The following PLEKHM3 variants were observed in gnomAD, a reference collection of about 807,000 sequenced individuals.
The protein encoded by PLEKHM3 is pleckstrin homology domain containing M3, also known as pleckstrin homology domain-containing family M member 3.
In PLEKHM3, 45 loss-of-function variants were observed where a neutral mutation model predicts 81.8. That is an observed-to-expected ratio of 0.55 (90% CI 0.43 to 0.71). The LOEUF is 0.71. Among genes scored for constraint, PLEKHM3 ranks in the 30% least tolerant of loss-of-function variants. The pLI, the probability that PLEKHM3 is intolerant of heterozygous loss-of-function variation, is 0.00. For synonymous variants in PLEKHM3, 352 were observed against 356.4 expected (o/e 0.99, Z 0.14); for missense variants, 788 against 924.3 (o/e 0.85, Z 1.91).
intron 4 of PLEKHM3, among the ~76,000 whole-genome samples, chr2:207,940,362 CTA>C (rs1484904480): frequency 4.6e-5 from 7 of 152,200 alleles, no homozygotes; most frequent in Non-Finnish European, 1.5e-5. Context: ...TTGGTACACA[CTA>C]TGTGCTAGGC....
At chr2:207,904,312 G>A (rs1688536096) in intron 6 of PLEKHM3, among the ~76,000 whole-genome samples, 1 of 152,156 alleles carries the variant, frequency 6.6e-6, no homozygotes, top group Non-Finnish European at 1.5e-5. Context: ...CACAAGAAAT[G>A]AGTAAAGGAA....
chr2:207,878,820 G>T (rs995900311), intron 6 of PLEKHM3, among the ~76,000 whole-genome samples: 5 of 151,700 alleles, frequency 3.3e-5, no homozygotes, highest in East Asian at 1.9e-4. Context: ...CTAGAGCTGG[G>T]TTTTTTTTAT....
chr2:207,863,961 T>TTATA (rs767326628), intron 6 of PLEKHM3, among the ~76,000 whole-genome samples: 2 of 149,238 alleles, frequency 1.3e-5, no homozygotes, highest in Non-Finnish European at 1.5e-5. Context: ...TATACAAAGT[T>TTATA]TATATATATA....
rs1184247327 is a variant in PLEKHM3 at position 208,001,182 on chromosome 2, T to C, written c.458A>G (p.Asp153Gly). 9 of 1,614,128 alleles carry C rather than the reference T, an allele frequency of 5.6e-6. No homozygotes were observed. The highest frequency in any genetic ancestry group is 7.6e-6 in the Non-Finnish European group (9 of 1,180,014). Residue 153 changes from aspartate to glycine, a missense_variant, in exon 2 of 8, where the codon GAT (aspartate) becomes GGT (glycine). Transcript: ENST00000427836. ...FKPGHARSRS[D>G]ITQVDWRVVL... ...TACCCTCCAGTCCACTTGGGTAATATCTGATCGTGATCGAGCATGCCCTGG... is the reference window on the plus strand; with the variant it reads ...TACCCTCCAGTCCACTTGGGTAATACCTGATCGTGATCGAGCATGCCCTGG...
intron 5 of PLEKHM3, among the ~76,000 whole-genome samples, chr2:207,926,474 G>A (rs534719607): frequency 6.6e-6 from 1 of 152,202 alleles, no homozygotes; most frequent in East Asian, 1.9e-4. Flanking sequence ...AGTTCTTAAC[G>A]TCCCTCCCAG....
chr2:207,936,263 C>A (rs78747532), intron 4 of PLEKHM3, among the ~76,000 whole-genome samples: 5,237 of 152,240 alleles, frequency 0.034, 281 homozygotes, highest in African/African-American at 0.12. Context: ...CGAGCCACTG[C>A]GCCCAGTCTA....
intron 6 of PLEKHM3, among the ~76,000 whole-genome samples, chr2:207,890,632 T>A (rs6757765): frequency 0.64 from 96,929 of 151,916 alleles, 32,148 homozygotes; most frequent in African/African-American, 0.8. Context: ...GCTCTCAAAA[T>A]ATAAAAAAAC....
chr2:207,930,977 C>T lies in PLEKHM3; in HGVS notation c.1835G>A (p.Arg612Gln), dbSNP rs748729839. The change falls in exon 5 of 8, where the codon CGA (arginine) becomes CAA (glutamine). Residue 612 changes from arginine (R) to glutamine (Q), a missense_variant. Transcript: ENST00000427836. ...TGCCCGGCAGCTGAACAAATAGGCT[C>T]GGAGCGACTTCAGCCGCTGCCGCAG... ...LRLRQRLKSL[R>Q]AYLFSCRAAV... is the part of the protein sequence containing the mutation. The T allele has an allele frequency of 4.3e-6, 7 of 1,613,722 alleles. No homozygotes were observed. Among genetic ancestry groups the T allele is most frequent in the East Asian group, 2.2e-5 (1 of 44,868 alleles).
At chr2:207,916,017 G>A (rs1030500433) in intron 5 of PLEKHM3, among the ~76,000 whole-genome samples, 22 of 152,142 alleles carry the variant, frequency 1.4e-4, no homozygotes, top group African/African-American at 5.1e-4. Flanking sequence ...GACAGGATTC[G>A]TATGTCCAGC....
chr2:208,002,750 G>A (rs1481481142), intron 1 of PLEKHM3, among the ~76,000 whole-genome samples: 1 of 152,020 alleles, frequency 6.6e-6, no homozygotes, highest in Non-Finnish European at 1.5e-5. Context: ...AGATTACCAA[G>A]ACCAGGCCAA....
At chr2:207,998,562 C>T (rs1000861312) in intron 2 of PLEKHM3, among the ~76,000 whole-genome samples, 13 of 152,098 alleles carry the variant, frequency 8.5e-5, no homozygotes, top group Non-Finnish European at 1.3e-4. Flanking sequence ...TATATTATAG[C>T]GATACTTGCA....
intron 2 of PLEKHM3, among the ~76,000 whole-genome samples, chr2:207,986,816 G>A (rs1370402035): frequency 2.7e-5 from 4 of 150,616 alleles, no homozygotes; most frequent in Admixed American, 6.6e-5. Context: ...GACTACAGGC[G>A]TGTGCCAACC....
chr2:207,845,065 A>T (rs1483442460), intron 7 of PLEKHM3, among the ~76,000 whole-genome samples: 1 of 152,178 alleles, frequency 6.6e-6, no homozygotes, highest in African/African-American at 2.4e-5. Flanking sequence ...GATAATTATT[A>T]ATGGTAGCTG....
chr2:207,883,150 C>T (rs1687757910), intron 6 of PLEKHM3, among the ~76,000 whole-genome samples: 1 of 152,194 alleles, frequency 6.6e-6, no homozygotes, highest in Admixed American at 6.5e-5. Context: ...GTCTCCTTCC[C>T]CCTAAAGGAA....
At chr2:207,983,811 A>G (rs1431142660) in intron 2 of PLEKHM3, among the ~76,000 whole-genome samples, 7 of 152,150 alleles carry the variant, frequency 4.6e-5, no homozygotes. Flanking sequence ...CCAACACACC[A>G]AAGAGTTCCT....
chr2:208,020,853 G>C (rs1396256963), intron 1 of PLEKHM3, among the ~76,000 whole-genome samples: 1 of 152,156 alleles, frequency 6.6e-6, no homozygotes, highest in East Asian at 1.9e-4. Flanking sequence ...AGGAGAGGGT[G>C]AGGTGAAATA....
chr2:208,015,578 C>T (rs1405879246), intron 1 of PLEKHM3, among the ~76,000 whole-genome samples: 1 of 152,164 alleles, frequency 6.6e-6, no homozygotes, highest in African/African-American at 2.4e-5. Context: ...AAGTTGTTCT[C>T]TAACTAAATA....
chr2:207,982,934 A>G (rs1691585728), intron 2 of PLEKHM3, among the ~76,000 whole-genome samples: 1 of 152,138 alleles, frequency 6.6e-6, no homozygotes, highest in African/African-American at 2.4e-5. Flanking sequence ...AGAATACAGT[A>G]TATAATACAT....
intron 6 of PLEKHM3, among the ~76,000 whole-genome samples, chr2:207,880,777 A>AAAAAAAAAAAAAAAAAAAAAAAAAAC: frequency 7.3e-6 from 1 of 137,758 alleles, no homozygotes; most frequent in Non-Finnish European, 1.6e-5. Context: ...AAAAAAAAAA[A>AAAAAAAAAAAAAAAAAAAAAAAAAAC]AAAAAAAAAA....
Sources: gnomAD v4.1 joint callset for allele counts (sites outside exome capture counted in the v4.1 genomes callset) on GRCh38, gnomAD v4.1.1 for gene constraint, MANE v1.5 for transcripts, NCBI Gene and HGNC (gene_info 2026-07-23, HGNC 2026-07-21) for gene names.